VEPH1: variants seen among roughly 807,000 people sequenced by gnomAD.
VEPH1 encodes ventricular zone expressed PH domain containing 1.
Under a neutral mutation model 85.2 loss-of-function variants are expected in VEPH1, and 80 were observed. The observed-to-expected ratio is 0.94, with a 90% confidence interval of 0.78 to 1.13. The LOEUF is 1.13. VEPH1 is among the 50% of genes most tolerant of loss of function. The pLI is 0.00. For synonymous variants in VEPH1, 297 were observed against 348.0 expected, an observed-to-expected ratio of 0.85 and a Z score of 1.63; for missense variants, 955 against 980.5, an observed-to-expected ratio of 0.97 and a Z score of 0.35.
At chr3:157,422,247 A>C (rs1162986254) in intron 5 of VEPH1, among the ~76,000 whole-genome samples, 3 of 152,198 alleles carry the variant, frequency 2.0e-5, no homozygotes, top group African/African-American at 7.2e-5. Flanking sequence ...TCTGATGGTC[A>C]GTGGGGGACA....
At chr3:157,401,268 G>A (rs1022965427) in intron 6 of VEPH1, among the ~76,000 whole-genome samples, 2 of 152,160 alleles carry the variant, frequency 1.3e-5, no homozygotes, top group South Asian at 4.1e-4. Context: ...AAAGAGAAAG[G>A]CTGATTGTAT....
intron 7 of VEPH1, among the ~76,000 whole-genome samples, chr3:157,377,053 T>TA (rs1207311267): frequency 6.6e-6 from 1 of 152,156 alleles, no homozygotes; most frequent in African/African-American, 2.4e-5. Flanking sequence ...AGAGAAGCCT[T>TA]AGCAACCATT....
intron 4 of VEPH1, among the ~76,000 whole-genome samples, chr3:157,447,541 C>A (rs1209466570): frequency 4.0e-5 from 6 of 151,674 alleles, no homozygotes; most frequent in Non-Finnish European, 7.4e-5. Flanking sequence ...AATGGTTAAG[C>A]ATTTCCCTAG....
chr3:157,482,513 C>T (rs1040434919), intron 2 of VEPH1, among the ~76,000 whole-genome samples: 1 of 152,124 alleles, frequency 6.6e-6, no homozygotes, highest in African/African-American at 2.4e-5. Context: ...GTGAGCCACC[C>T]ACGCCCAGCT....
intron 1 of VEPH1, among the ~76,000 whole-genome samples, chr3:157,501,867 C>T (rs1218639756): frequency 6.6e-6 from 1 of 152,166 alleles, no homozygotes. Flanking sequence ...ATTTTATTCA[C>T]CTGTATTAAA....
At chr3:157,443,056 C>T (rs1454040049) in intron 4 of VEPH1, 3 of 1,496,678 alleles carry the variant, frequency 2.0e-6, no homozygotes, top group Non-Finnish European at 2.7e-6. Flanking sequence ...GGTCTGAAAA[C>T]TCAGTGCATA....
At chr3:157,466,168 T>C (rs771409411) in intron 3 of VEPH1, among the ~76,000 whole-genome samples, 21 of 152,136 alleles carry the variant, frequency 1.4e-4, no homozygotes, top group Non-Finnish European at 2.5e-4. Flanking sequence ...ATACACATTG[T>C]ATGGGTGTAT....
intron 2 of VEPH1, among the ~76,000 whole-genome samples, chr3:157,484,575 A>C (rs1334372984): frequency 1.3e-5 from 2 of 152,232 alleles, no homozygotes; most frequent in African/African-American, 4.8e-5. Flanking sequence ...ACTTTAAGCA[A>C]GCATTGACTA....
chr3:157,392,199 T>C (rs1691730349), intron 6 of VEPH1, among the ~76,000 whole-genome samples: 1 of 152,242 alleles, frequency 6.6e-6, no homozygotes, highest in African/African-American at 2.4e-5. Context: ...AACAACTTCA[T>C]GATAGTATCA....
chr3:157,290,662 T>C (rs1195418580), intron 11 of VEPH1, among the ~76,000 whole-genome samples: 2 of 152,158 alleles, frequency 1.3e-5, no homozygotes, highest in Non-Finnish European at 2.9e-5. Context: ...ACTATTTTCA[T>C]TGATGTAAAA....
At chr3:157,272,700 C>A (rs1220502993) in intron 12 of VEPH1, among the ~76,000 whole-genome samples, 1 of 152,028 alleles carries the variant, frequency 6.6e-6, no homozygotes, top group Admixed American at 6.6e-5. Flanking sequence ...TGGGCTCAAG[C>A]AATCTGCCCA....
At chr3:157,475,174 TAG>T (rs1737349495) in intron 2 of VEPH1, among the ~76,000 whole-genome samples, 1 of 130,662 alleles carries the variant, frequency 7.7e-6, no homozygotes, top group Admixed American at 8.0e-5. Context: ...TTTTTTTTTG[TAG>T]AGATGGAGTC....
chr3:157,292,107 G>T (rs1717545449), intron 11 of VEPH1, among the ~76,000 whole-genome samples: 1 of 152,110 alleles, frequency 6.6e-6, no homozygotes. Context: ...AGCTTTTTCA[G>T]ATCGTCTGTT....
intron 2 of VEPH1, among the ~76,000 whole-genome samples, chr3:157,478,140 G>A (rs1027005863): frequency 4.6e-5 from 7 of 152,088 alleles, no homozygotes; most frequent in South Asian, 2.1e-4. Flanking sequence ...TCAACATTTT[G>A]CTCCTCCCAT....
At chr3:157,450,770 C>T (rs184277874) in intron 4 of VEPH1, among the ~76,000 whole-genome samples, 114 of 152,118 alleles carry the variant, frequency 7.5e-4, no homozygotes, top group African/African-American at 2.5e-3. Context: ...GGAATTATAT[C>T]GAATATTAAG....
intron 6 of VEPH1, among the ~76,000 whole-genome samples, chr3:157,406,255 G>A (rs1248282885): frequency 6.6e-6 from 1 of 152,068 alleles, no homozygotes; most frequent in African/African-American, 2.4e-5. Flanking sequence ...TATCATCCCT[G>A]GGGAAATTGT....
At chr3:157,290,348 C>T (rs1717333778) in intron 11 of VEPH1, among the ~76,000 whole-genome samples, 1 of 152,166 alleles carries the variant, frequency 6.6e-6, no homozygotes, top group Non-Finnish European at 1.5e-5. Flanking sequence ...GACTGTAGCC[C>T]TGTGAGACCC....
intron 2 of VEPH1, among the ~76,000 whole-genome samples, chr3:157,481,918 C>T (rs554186755): frequency 2.2e-4 from 33 of 151,968 alleles, no homozygotes; most frequent in Middle Eastern, 3.4e-3. Context: ...CAAAACATTG[C>T]TAAGTTTTTG....
chr3:157,293,218 A>C (rs1226697666), intron 11 of VEPH1, among the ~76,000 whole-genome samples: 1 of 152,120 alleles, frequency 6.6e-6, no homozygotes, highest in Non-Finnish European at 1.5e-5. Flanking sequence ...AGCAGACTCT[A>C]AGCAGAGGCA....
Sources: gnomAD v4.1 joint callset for allele counts (sites outside exome capture counted in the v4.1 genomes callset) on GRCh38, gnomAD v4.1.1 for gene constraint, MANE v1.5 for transcripts, NCBI Gene and HGNC (gene_info 2026-07-23, HGNC 2026-07-21) for gene names.